The following EMP3 variants were observed in gnomAD, a reference collection of about 807,000 sequenced individuals.
EMP3 encodes epithelial membrane protein 3.
In EMP3, 15 loss-of-function variants were observed where a neutral mutation model predicts 21.6. The ratio of observed to expected loss-of-function variants is 0.69; its 90% CI spans 0.46 to 1.07. The LOEUF is 1.07. Ranked by LOEUF, EMP3 falls within the 50% of genes least tolerant of loss-of-function variation. The pLI, the probability that EMP3 is intolerant of heterozygous loss-of-function variation, is 0.00. For missense variants in EMP3, 183 were observed against 206.6 expected, an observed-to-expected ratio of 0.89 and a Z score of 0.70; for synonymous variants, 107 against 86.1, an observed-to-expected ratio of 1.24 and a Z score of -1.34.
chr19:48,327,540 G>A lies in EMP3; in HGVS notation c.98G>A (p.Gly33Glu), dbSNP rs146091933. ...TCCCAGTCCTGGTGGACTCTCCCTG[G>A]GAAAGAGTCCCTGAATCTCTGGTAC... ...TLDKSWWTLP[G>E]KESLNLWYDC... Residue 33 changes from glycine to glutamate, a missense_variant, in exon 3 of 5, where the codon GGG becomes GAG. Transcript: ENST00000270221. 27 of 1,613,262 alleles carry A rather than the reference G, an allele frequency of 1.7e-5. No homozygotes were observed. The African/African-American group carries it at 3.5e-4, about 21-fold the overall frequency.
chr19:48,326,786 T>G (rs1600882636), intron 1 of EMP3, 44 bp from the exon 2 acceptor site: 2 of 1,548,114 alleles, frequency 1.3e-6, no homozygotes, highest in East Asian at 2.3e-5. Context: ...GTGCCTGGCC[T>G]GTGCCAACCT....
chr19:48,327,565 C>T lies in EMP3; in HGVS notation c.123C>T (p.Tyr41=), dbSNP rs201392469. The T allele has an allele frequency of 1.6e-5, 26 of 1,613,716 alleles. No individual in the cohort carries two copies. The highest frequency in any genetic ancestry group is 3.3e-4 in the Middle Eastern group (2 of 6,084). ...GGAAAGAGTCCCTGAATCTCTGGTA[C>T]GACTGCACGTGGAACAACGACACCA... ...LPGKESLNLW[Y]DCTWNNDTKT... is the part of the protein sequence containing the mutation. Residue 41 remains tyrosine (Y), a synonymous_variant, in exon 3 of 5, where the codon TAC becomes TAT. Coordinates refer to ENST00000270221, the MANE Select transcript of EMP3 (RefSeq NM_001425.3).
rs1014116119 is a variant in EMP3 at position 48,330,465 on chromosome 19, G to C, written c.487G>C (p.Glu163Gln). 1.9e-6 allele frequency: 3 copies of C among 1,579,322 alleles called. No homozygotes were observed. Among genetic ancestry groups the C allele is most frequent in the Non-Finnish European group, 2.6e-6 (3 of 1,166,684 alleles). Residue 163 changes from glutamate to glutamine, a missense_variant, in exon 5 of 5, where the codon GAG becomes CAG. Transcript: ENST00000270221. ...GIIYIHLRKR[E>Q] The stretch of plus-strand genomic sequence containing the variant: ...CATCTACATCCACCTACGGAAGCGG[G>C]AGTGAGCGCCCCGCCTCGCTCGGCT...
intron 1 of EMP3, among the ~76,000 whole-genome samples, chr19:48,326,581 C>T (rs1355519327): frequency 1.3e-5 from 2 of 151,750 alleles, no homozygotes; most frequent in African/African-American, 2.4e-5. Context: ...ACCTTTGCCT[C>T]CTGGATTCCA....
chr19:48,328,243 C>G (rs1969156316), intron 3 of EMP3, among the ~76,000 whole-genome samples: 1 of 151,794 alleles, frequency 6.6e-6, no homozygotes, highest in South Asian at 2.1e-4. Context: ...AACCCCGTCT[C>G]TACTAAAAAT....
rs765251929 is a variant in EMP3 at position 48,327,617 on chromosome 19, G to A, written c.175G>A (p.Glu59Lys). The change falls in exon 3 of 5, where the codon GAG becomes AAG. Residue 59 changes from glutamate to lysine, a missense_variant. Glu to Lys is a moderately conservative substitution (Grantham distance 56, BLOSUM62 1). Transcript: ENST00000270221. ...AACATGGGCCTGCAGTAATGTCAGC[G>A]AGAATGGTGAGGGGTGAGGGCGGCG... Reference protein sequence around the residue: ...TKTWACSNVSENGWLKAVQVL... With the variant: ...TKTWACSNVSKNGWLKAVQVL... The A allele has an allele frequency of 1.8e-5, 29 of 1,613,522 alleles. No individual in the cohort carries two copies. Among genetic ancestry groups the A allele is most frequent in the South Asian group, 7.7e-5 (7 of 90,974 alleles).
At chr19:48,325,884 G>A (rs543493006) in intron 1 of EMP3, 1 of 152,288 alleles carries the variant, frequency 6.6e-6, no homozygotes, top group South Asian at 2.1e-4. Flanking sequence ...TGAGATCAGG[G>A]CATTGCATGA....
intron 4 of EMP3, 39 bp from the exon 5 acceptor site, chr19:48,330,262 A>AG (rs759691152): frequency 3.3e-5 from 51 of 1,526,184 alleles, no homozygotes; most frequent in African/African-American, 4.3e-5. Context: ...TGTAGTCTTG[A>AG]GGGGGCACTG....
At chr19:48,328,429 A>AAT (rs1248433103) in intron 3 of EMP3, among the ~76,000 whole-genome samples, 1 of 151,420 alleles carries the variant, frequency 6.6e-6, no homozygotes, top group African/African-American at 2.4e-5. Flanking sequence ...AAAAAAAAAA[A>AAT]AAAGAATAGA....
chr19:48,329,257 G>T lies in EMP3; in HGVS notation c.182-95G>T. ...CTTGTATGGGCCTAAACGGGAGCAG[G>T]GATGGGGCAGAGAAGGGTCACATGG... On this transcript the variant is annotated intron_variant, in intron 3 of 4. Transcript: ENST00000270221. The surrounding 1 kb of genome is among the most constrained non-coding windows in gnomAD (Gnocchi z 4.5). The T allele has an allele frequency of 6.6e-7, 1 of 1,515,998 alleles. No homozygotes were observed. The highest frequency in any genetic ancestry group is 2.3e-5 in the East Asian group (1 of 43,724). The allele number at this position is 1,515,998 out of a possible 1,614,324, so 93.9% of individuals were successfully genotyped here. A position where few individuals can be genotyped will look rare whatever the true frequency, so the allele number is the denominator to read the frequency against.
rs1366613135 is a variant in EMP3, at chr19:48,329,637, C to T, written c.322+145C>T. The T allele has an allele frequency of 3.8e-6, 4 of 1,049,892 alleles. No homozygotes were observed. The highest frequency in any genetic ancestry group is 5.5e-6 in the Non-Finnish European group (4 of 730,684). The allele number at this position is 1,049,892 out of a possible 1,614,324, so 65.0% of individuals were successfully genotyped here. ...CCCCACGAGCCACAAGAGGTGCCTC[C>T]GTGGGCTACATCTCTGCCCCCAGGG... On this transcript the variant is annotated intron_variant, in intron 4 of 4. Transcript: ENST00000270221. The surrounding 1 kb of genome is among the most constrained non-coding windows in gnomAD (Gnocchi z 4.5).
intron 4 of EMP3, 81 bp from the exon 5 acceptor site, chr19:48,330,220 G>T: frequency 2.1e-6 from 3 of 1,462,880 alleles, no homozygotes; most frequent in Admixed American, 5.3e-5. Context: ...GGGCCCTCCG[G>T]CGCTTCTTTG....
chr19:48,326,314 C>T (rs1182003179), intron 1 of EMP3, among the ~76,000 whole-genome samples: 3 of 151,968 alleles, frequency 2.0e-5, no homozygotes, highest in African/African-American at 7.3e-5. Flanking sequence ...GAGAGAGGAG[C>T]CACATTGCTA....
chr19:48,326,826 C>G lies in EMP3; in HGVS notation c.-15-4C>G, dbSNP rs745944064. On this transcript the variant is annotated splice_region_variant and splice_polypyrimidine_tract_variant and intron_variant, in intron 1 of 4. Transcript: ENST00000270221. ...AGACTCCGTCCCCTGCTCCCCCTCC[C>G]CAGGCTTCCACTGCAGCCATGTCAC... 6.2e-7 allele frequency: 1 copy of G among 1,613,330 alleles called. No individual in the cohort carries two copies. Among genetic ancestry groups the G allele is most frequent in the East Asian group, 2.2e-5 (1 of 44,832 alleles).
At chr19:48,330,105 G>T (rs1969181565) in intron 4 of EMP3, among the ~76,000 whole-genome samples, 196 bp from the exon 5 acceptor site, 1 of 152,180 alleles carries the variant, frequency 6.6e-6, no homozygotes, top group Admixed American at 6.5e-5. Context: ...AGATATTATT[G>T]GACCTAGAGA....
chr19:48,330,320 C>T lies in EMP3; in HGVS notation c.342C>T (p.Gly114=). ...CCGCAGGCGTGGCGGTGTTTACTGG[C>T]GCCTTGATCTATGCCATTCACGCCG... ...QLCTSVAVFT[G]ALIYAIHAEE... Residue 114 remains glycine, a synonymous_variant, in exon 5 of 5, where the codon GGC becomes GGT. Coordinates refer to ENST00000270221, the MANE Select transcript of EMP3 (RefSeq NM_001425.3). 7 of 1,591,456 alleles carry T rather than the reference C, an allele frequency of 4.4e-6. No individual in the cohort carries two copies. The highest frequency in any genetic ancestry group is 5.1e-6 in the Non-Finnish European group (6 of 1,169,614).
rs983259608 is a variant in EMP3, at chr19:48,329,309, T to C, written c.182-43T>C. 2 of 1,612,048 alleles carry C rather than the reference T, an allele frequency of 1.2e-6. No homozygotes were observed. Among genetic ancestry groups the C allele is most frequent in the Non-Finnish European group, 1.7e-6 (2 of 1,178,808 alleles). ...GAGCAAGCAGGTGAAGCTGGAACTCTGGACCCACGGTGATGTCCCCCTCTG... is the reference window on the plus strand; with the variant it reads ...GAGCAAGCAGGTGAAGCTGGAACTCCGGACCCACGGTGATGTCCCCCTCTG... On this transcript the variant is annotated intron_variant, in intron 3 of 4. Coordinates refer to ENST00000270221, the MANE Select transcript of EMP3 (RefSeq NM_001425.3). The surrounding 1 kb of genome is among the most constrained non-coding windows in gnomAD (Gnocchi z 4.5).
intron 1 of EMP3, among the ~76,000 whole-genome samples, chr19:48,326,451 C>A (rs1396344471): frequency 6.6e-6 from 1 of 151,986 alleles, no homozygotes; most frequent in Non-Finnish European, 1.5e-5. Context: ...TGCACCCATG[C>A]CCTTCCTCCA....
chr19:48,327,540 G>T lies in EMP3; in HGVS notation c.98G>T (p.Gly33Val). ...TCCCAGTCCTGGTGGACTCTCCCTG[G>T]GAAAGAGTCCCTGAATCTCTGGTAC... ...TLDKSWWTLP[G>V]KESLNLWYDC... Residue 33 changes from glycine to valine, a missense_variant, in exon 3 of 5, where the codon GGG becomes GTG. Transcript: ENST00000270221. 1 of 1,613,380 alleles carries T rather than the reference G, an allele frequency of 6.2e-7. No homozygotes were observed. Among genetic ancestry groups the T allele is most frequent in the Non-Finnish European group, 8.5e-7 (1 of 1,179,726 alleles).
Sources: gnomAD v4.1 joint callset for allele counts (sites outside exome capture counted in the v4.1 genomes callset) on GRCh38, gnomAD v4.1.1 for gene constraint, Gnocchi (gnomAD v3.1) non-coding constraint, MANE v1.5 for transcripts, NCBI Gene and HGNC (gene_info 2026-07-23, HGNC 2026-07-21) for gene names.